Variants in LRRC4C observed in about 807,000 individuals in gnomAD.
LRRC4C encodes the protein leucine rich repeat containing 4C, also known as leucine-rich repeat-containing protein 4C.
A neutral mutation model predicts 33.6 loss-of-function variants in LRRC4C; 5 were observed. The observed-to-expected ratio is 0.15, with a 90% CI of 0.08 to 0.31. LRRC4C has a LOEUF of 0.31. Among genes scored for constraint, LRRC4C ranks in the 10% least tolerant of loss-of-function variants. The pLI is 1.00. For synonymous variants in LRRC4C, 329 were observed against 302.0 expected (o/e 1.09, Z -0.93); for missense variants, 560 against 796.7 (o/e 0.70, Z 3.58).
intron 1 of LRRC4C, among the ~76,000 whole-genome samples, chr11:41,448,293 T>G (rs7106617): frequency 0.61 from 88,250 of 145,016 alleles, 27,267 homozygotes; most frequent in Middle Eastern, 0.66. Flanking sequence ...ACAATTAACA[T>G]TTACATAGAG....
intron 1 of LRRC4C, among the ~76,000 whole-genome samples, chr11:41,255,252 CTT>C (rs951800263): frequency 7.2e-5 from 11 of 152,018 alleles, no homozygotes; most frequent in Non-Finnish European, 1.2e-4. Flanking sequence ...AGTTGTTTGT[CTT>C]TAACCTTCAG....
chr11:40,443,680 C>T (rs1242531917), intron 3 of LRRC4C, among the ~76,000 whole-genome samples: 1 of 152,126 alleles, frequency 6.6e-6, no homozygotes, highest in African/African-American at 2.4e-5. Flanking sequence ...TGGAGTGTTA[C>T]CATTGCATTC....
At chr11:40,650,741 T>G in intron 2 of LRRC4C, among the ~76,000 whole-genome samples, 1 of 152,206 alleles carries the variant, frequency 6.6e-6, no homozygotes, top group African/African-American at 2.4e-5. Flanking sequence ...GCATCTGAAC[T>G]ATATTACTTA....
At chr11:40,812,100 G>A (rs1951516927) in intron 2 of LRRC4C, among the ~76,000 whole-genome samples, 1 of 152,120 alleles carries the variant, frequency 6.6e-6, no homozygotes, top group Non-Finnish European at 1.5e-5. Context: ...GTAATTGTCT[G>A]TAATTTTTGT....
At chr11:40,586,518 A>C (rs9666971) in intron 3 of LRRC4C, among the ~76,000 whole-genome samples, 32,069 of 138,702 alleles carry the variant, frequency 0.23, 4,018 homozygotes, top group Middle Eastern at 0.35. Context: ...GTTGCCATTG[A>C]TTTTGGTGTT....
At chr11:40,260,789 T>C (rs1867648528) in intron 4 of LRRC4C, among the ~76,000 whole-genome samples, 1 of 152,198 alleles carries the variant, frequency 6.6e-6, no homozygotes, top group East Asian at 1.9e-4. Flanking sequence ...ACCATGATTG[T>C]TGAAATTAAT....
chr11:40,243,185 A>G (rs1488231735), intron 4 of LRRC4C, among the ~76,000 whole-genome samples: 1 of 152,154 alleles, frequency 6.6e-6, no homozygotes, highest in African/African-American at 2.4e-5. Context: ...ATACCCTTTT[A>G]AGTTTTATGT....
intron 2 of LRRC4C, among the ~76,000 whole-genome samples, chr11:40,741,545 G>C (rs1948157383): frequency 6.6e-6 from 1 of 152,004 alleles, no homozygotes; most frequent in African/African-American, 2.4e-5. Context: ...TGGTACAGTA[G>C]ACACATGCCT....
At chr11:40,949,326 C>T (rs1233744633) in intron 1 of LRRC4C, among the ~76,000 whole-genome samples, 1 of 152,082 alleles carries the variant, frequency 6.6e-6, no homozygotes, top group Non-Finnish European at 1.5e-5. Flanking sequence ...GTTGCCTGTT[C>T]ACTCTGATGG....
intron 1 of LRRC4C, among the ~76,000 whole-genome samples, chr11:41,263,382 T>A (rs1012648037): frequency 2.0e-5 from 3 of 152,140 alleles, no homozygotes; most frequent in Non-Finnish European, 4.4e-5. Context: ...TTTTCTGAGA[T>A]CAAAATTTGG....
chr11:40,475,558 C>T (rs562320635), intron 3 of LRRC4C, among the ~76,000 whole-genome samples: 9 of 152,016 alleles, frequency 5.9e-5, no homozygotes, highest in African/African-American at 2.2e-4. Context: ...CTGTAACAAA[C>T]GTTCACGTTC....
chr11:40,816,614 A>G (rs1565095719), intron 2 of LRRC4C, among the ~76,000 whole-genome samples: 1 of 152,170 alleles, frequency 6.6e-6, no homozygotes, highest in Non-Finnish European at 1.5e-5. Flanking sequence ...GAGTATGATC[A>G]TCATTAGCAT....
chr11:41,233,589 A>C (rs1947894637), intron 1 of LRRC4C, among the ~76,000 whole-genome samples: 1 of 152,084 alleles, frequency 6.6e-6, no homozygotes, highest in Non-Finnish European at 1.5e-5. Flanking sequence ...TTTCTAGATT[A>C]CATGGCTAAT....
intron 1 of LRRC4C, among the ~76,000 whole-genome samples, chr11:41,160,017 G>GCA (rs1195000086): frequency 6.6e-6 from 1 of 151,628 alleles, no homozygotes; most frequent in Non-Finnish European, 1.5e-5. Context: ...TAACAAAAGG[G>GCA]CACACACACA....
chr11:40,870,060 G>A (rs2135930895), intron 2 of LRRC4C, among the ~76,000 whole-genome samples: 1 of 152,124 alleles, frequency 6.6e-6, no homozygotes, highest in South Asian at 2.1e-4. Flanking sequence ...CATGTACCAA[G>A]AACTATATAA....
At chr11:40,220,877 G>T (rs1864359629) in intron 5 of LRRC4C, among the ~76,000 whole-genome samples, 1 of 141,612 alleles carries the variant, frequency 7.1e-6, no homozygotes, top group African/African-American at 2.5e-5. Flanking sequence ...TGTGTTTTTG[G>T]TTTTTTTTTT....
chr11:40,694,191 A>G (rs141767079), intron 2 of LRRC4C, among the ~76,000 whole-genome samples: 9 of 152,278 alleles, frequency 5.9e-5, no homozygotes, highest in African/African-American at 2.2e-4. Flanking sequence ...TTATCAAAGG[A>G]AATAAAAACA....
At chr11:40,437,385 C>CTTTCTTTT (rs1326416468) in intron 3 of LRRC4C, among the ~76,000 whole-genome samples, 15 of 151,794 alleles carry the variant, frequency 9.9e-5, no homozygotes, top group Non-Finnish European at 1.8e-4. Flanking sequence ...TTTCCAATGA[C>CTTTCTTTT]TTTCTTTTTT....
intron 2 of LRRC4C, among the ~76,000 whole-genome samples, chr11:40,749,378 A>G (rs778775677): frequency 5.9e-5 from 9 of 151,952 alleles, no homozygotes; most frequent in Non-Finnish European, 1.2e-4. Flanking sequence ...CCACTGGGTC[A>G]ACAAAGAGGT....
Sources: gnomAD v4.1 joint callset for allele counts (sites outside exome capture counted in the v4.1 genomes callset) on GRCh38, gnomAD v4.1.1 for gene constraint, MANE v1.5 for transcripts, NCBI Gene and HGNC (gene_info 2026-07-23, HGNC 2026-07-21) for gene names.